COL24A1: variants seen among roughly 807,000 people sequenced by gnomAD.
The protein encoded by COL24A1 is collagen alpha-1(XXIV) chain.
In COL24A1, 224 loss-of-function variants were observed where a neutral mutation model predicts 253.9. The observed-to-expected ratio is 0.88, with a 90% CI of 0.79 to 0.99. The LOEUF is 0.99. COL24A1 is among the 50% of genes least tolerant of loss of function. The pLI is 0.00. For missense variants in COL24A1, 2,131 were observed against 2,068.5 expected, an observed-to-expected ratio of 1.03 and a Z score of -0.59; for synonymous variants, 685 against 673.7, an observed-to-expected ratio of 1.02 and a Z score of -0.26.
At chr1:86,156,195 G>A (rs1653585949) in intron 1 of COL24A1, 146 bp downstream of exon 1, 2 of 641,452 alleles carry the variant, frequency 3.1e-6, no homozygotes, top group Non-Finnish European at 5.5e-6. Flanking sequence ...GAAGACAAGG[G>A]GAAGATACCG....
At chr1:85,857,361 G>A (rs2102401371) in intron 37 of COL24A1, among the ~76,000 whole-genome samples, 1 of 150,376 alleles carries the variant, frequency 6.6e-6, no homozygotes, top group Middle Eastern at 3.5e-3. Flanking sequence ...GGTTTCCTTG[G>A]CTAGTACTGA....
chr1:86,104,631 C>A (rs1431915647), intron 5 of COL24A1, among the ~76,000 whole-genome samples: 1 of 152,148 alleles, frequency 6.6e-6, no homozygotes, highest in East Asian at 1.9e-4. Context: ...TCATTTCTGG[C>A]AGATTTTAAG....
intron 3 of COL24A1, among the ~76,000 whole-genome samples, chr1:86,119,140 C>A (rs1706447721): frequency 6.6e-6 from 1 of 152,060 alleles, no homozygotes; most frequent in African/African-American, 2.4e-5. Context: ...CCCTCAAAAC[C>A]AGCTGTAAAC....
At chr1:86,006,990 T>C (rs567488425) in intron 19 of COL24A1, among the ~76,000 whole-genome samples, 19 of 152,154 alleles carry the variant, frequency 1.2e-4, no homozygotes, top group Admixed American at 7.2e-4. Flanking sequence ...GGTGTGATGA[T>C]TGCTTCAGCC....
intron 24 of COL24A1, among the ~76,000 whole-genome samples, chr1:85,918,405 T>C (rs1006962761): frequency 1.3e-5 from 2 of 152,198 alleles, no homozygotes; most frequent in African/African-American, 4.8e-5. Context: ...TCTTGTCTTA[T>C]ACATGGCTTA....
chr1:86,131,810 C>T (rs184056678), intron 2 of COL24A1, among the ~76,000 whole-genome samples: 146 of 151,992 alleles, frequency 9.6e-4, no homozygotes, highest in African/African-American at 2.7e-3. Flanking sequence ...TGAATAGTGC[C>T]GCAATAAACA....
chr1:85,745,750 C>T (rs1365868531), intron 55 of COL24A1, among the ~76,000 whole-genome samples: 2 of 152,138 alleles, frequency 1.3e-5, no homozygotes, highest in East Asian at 3.9e-4. Context: ...GTCTACAGTC[C>T]TCAGATGAAA....
At chr1:85,836,147 T>G (rs750988655) in intron 43 of COL24A1, among the ~76,000 whole-genome samples, 2 of 152,224 alleles carry the variant, frequency 1.3e-5, no homozygotes, top group Non-Finnish European at 1.5e-5. Context: ...AGCATAAAAG[T>G]ATTCAGGTTT....
intron 14 of COL24A1, among the ~76,000 whole-genome samples, chr1:86,026,356 G>A (rs1698020314): frequency 6.6e-6 from 1 of 152,168 alleles, no homozygotes; most frequent in African/African-American, 2.4e-5. Context: ...CATCTGAATT[G>A]TAGTCTCCAT....
At chr1:85,900,876 C>T (rs564709912) in intron 28 of COL24A1, among the ~76,000 whole-genome samples, 11 of 152,154 alleles carry the variant, frequency 7.2e-5, no homozygotes, top group South Asian at 2.1e-4. Flanking sequence ...AAGAATTAAA[C>T]CCTTATTTAG....
At chr1:86,131,588 A>G (rs1277748009) in intron 2 of COL24A1, among the ~76,000 whole-genome samples, 1 of 140,814 alleles carries the variant, frequency 7.1e-6, no homozygotes, top group African/African-American at 2.7e-5. Context: ...TTCAATTCCC[A>G]CCTATGAGTG....
intron 38 of COL24A1, 98 bp from the exon 39 acceptor site, chr1:85,847,870 G>A: frequency 1.5e-6 from 1 of 682,128 alleles, no homozygotes; most frequent in African/African-American, 1.8e-5. Context: ...AGGATTATCT[G>A]GTTAACAGTA....
intron 37 of COL24A1, among the ~76,000 whole-genome samples, chr1:85,856,205 C>T (rs1678423720): frequency 6.6e-6 from 1 of 152,006 alleles, no homozygotes; most frequent in Non-Finnish European, 1.5e-5. Flanking sequence ...TTGTTCAGTT[C>T]AGCTTTGATT....
intron 27 of COL24A1, 74 bp downstream of exon 27, chr1:85,908,524 A>T (rs1685060209): frequency 1.2e-6 from 1 of 842,994 alleles, no homozygotes; most frequent in South Asian, 1.9e-5. Flanking sequence ...AACCAACAAT[A>T]AAGCATAACA....
intron 5 of COL24A1, among the ~76,000 whole-genome samples, chr1:86,110,470 C>T (rs944825437): frequency 2.0e-5 from 3 of 152,090 alleles, no homozygotes; most frequent in African/African-American, 7.2e-5. Context: ...GCTTGAGGAG[C>T]CCTTCAGCCT....
intron 26 of COL24A1, 145 bp from the exon 27 acceptor site, chr1:85,908,796 A>G: frequency 2.3e-6 from 1 of 432,086 alleles, no homozygotes; most frequent in Non-Finnish European, 4.2e-6. Context: ...ATGAAAGGCC[A>G]CAGGAAATAT....
At chr1:85,861,292 A>G (rs572118888) in intron 37 of COL24A1, among the ~76,000 whole-genome samples, 1 of 152,132 alleles carries the variant, frequency 6.6e-6, no homozygotes, top group Non-Finnish European at 1.5e-5. Flanking sequence ...GAGATATTTA[A>G]GTCTGTCCAT....
chr1:86,037,857 T>TA (rs1210343930), intron 12 of COL24A1, among the ~76,000 whole-genome samples: 1 of 152,166 alleles, frequency 6.6e-6, no homozygotes, highest in Non-Finnish European at 1.5e-5. Context: ...TTACCATAGG[T>TA]AATGTTCAAT....
At position 86,044,456 on chromosome 1, in the gene COL24A1, TAGAC is replaced by T. The variant is rs1699750514; in HGVS notation, c.1950+2365_1950+2368del. Among the ~76,000 whole-genome samples the T allele has an allele frequency of 2.6e-5, 4 of 152,336 alleles. No homozygotes were observed. The East Asian group carries it at 7.7e-4, about 29-fold the overall frequency. On this transcript the variant is annotated intron_variant, in intron 12 of 59. Coordinates refer to ENST00000370571, the MANE Select transcript of COL24A1 (RefSeq NM_152890.7). ...TAGCATACATAATATATTACGGTAC[TAGAC>T]AGACTTTAAAATAAACATTAGTCAG...
Sources: allele counts gnomAD v4.1 joint callset (sites outside exome capture counted in the v4.1 genomes callset), GRCh38; gene constraint gnomAD v4.1.1; transcripts MANE v1.5; gene names NCBI Gene and HGNC (gene_info 2026-07-23, HGNC 2026-07-21).